The following MAST2 variants were observed in gnomAD, a reference collection of about 807,000 sequenced individuals.
MAST2 encodes microtubule-associated serine/threonine-protein kinase 2.
A neutral mutation model predicts 147.4 loss-of-function variants in MAST2; 70 were observed. The observed-to-expected ratio is 0.47, with a 90% CI of 0.39 to 0.58. The LOEUF is 0.58. MAST2 is among the 20% of genes least tolerant of loss of function. The pLI is 0.00. For missense variants in MAST2, 2,080 were observed against 2,302.3 expected, an observed-to-expected ratio of 0.90 and a Z score of 1.98; for synonymous variants, 869 against 896.8, an observed-to-expected ratio of 0.97 and a Z score of 0.55.
chr1:45,851,745 A>G (rs1276733091), intron 3 of MAST2, among the ~76,000 whole-genome samples: 1 of 151,934 alleles, frequency 6.6e-6, no homozygotes, highest in East Asian at 1.9e-4. Flanking sequence ...GCTTGACCTA[A>G]TAGAAAAAAT....
chr1:45,836,566 T>C (rs1645107249), intron 3 of MAST2, among the ~76,000 whole-genome samples: 2 of 152,182 alleles, frequency 1.3e-5, no homozygotes, highest in Admixed American at 1.3e-4. Flanking sequence ...TTTACCTACT[T>C]CAGTATTATA....
chr1:45,940,053 G>A (rs180682034), intron 4 of MAST2, among the ~76,000 whole-genome samples: 4 of 124,290 alleles, frequency 3.2e-5, no homozygotes, highest in Admixed American at 2.2e-4. Context: ...GCACAATTTC[G>A]GCTCACTGCA....
At position 46,023,505 on chromosome 1, in the gene MAST2, G is replaced by T. The variant is rs1646274778; in HGVS notation, c.1571+187G>T. 3 of 636,136 alleles carry T rather than the reference G, an allele frequency of 4.7e-6. No homozygotes were observed. Among genetic ancestry groups the T allele is most frequent in the South Asian group, 3.9e-5 (2 of 51,780 alleles). The allele number at this position is 636,136 out of a possible 1,614,324, so 39.4% of individuals were successfully genotyped here. On this transcript the variant is annotated intron_variant, in intron 14 of 28. Coordinates refer to ENST00000361297, the MANE Select transcript of MAST2 (RefSeq NM_015112.3). This position sits in a 1 kb window ranked among gnomAD's most constrained non-coding sequence, Gnocchi z 4.9. The stretch of plus-strand genomic sequence containing the variant: ...ACATCCGATCATTGTTCCTTTCCCA[G>T]ACAAGATTCCCACGCCTCTTACTAC...
intron 18 of MAST2, chr1:46,029,177 C>T: frequency 1.8e-6 from 1 of 552,026 alleles, no homozygotes; most frequent in African/African-American, 1.9e-5. Flanking sequence ...CTGGGTGTTC[C>T]TGTCTGTGTA....
intron 4 of MAST2, among the ~76,000 whole-genome samples, chr1:45,924,003 C>CT (rs1557913124): frequency 6.6e-6 from 1 of 152,142 alleles, no homozygotes; most frequent in East Asian, 1.9e-4. Flanking sequence ...TCCCCAGTAG[C>CT]TGGGATTACA....
Position 46,025,743 on chromosome 1 carries a change from T to C in MAST2, c.1847T>C (p.Phe616Ser). The change falls in exon 16 of 29, where the codon TTT (phenylalanine) becomes TCT (serine). Residue 616 changes from phenylalanine (F) to serine (S), a missense_variant. Physicochemically the swap from Phe to Ser is radical, Grantham distance 155 (BLOSUM62 -2). Around this residue, in one of 4 missense-constraint regions of MAST2, gnomAD observed 209 missense variants for 309.5 expected, o/e 0.68. Coordinates refer to ENST00000361297, the MANE Select transcript of MAST2 (RefSeq NM_015112.3). ...CCTGTGGACATGGTGCGTCTATACT[T>C]TGCGGAAACTGTGCTGGCCCTGGAG... ...ALPVDMVRLY[F>S]AETVLALEYL... is the part of the protein sequence containing the mutation. The C allele has an allele frequency of 6.2e-7, 1 of 1,614,164 alleles. No individual in the cohort carries two copies. Among genetic ancestry groups the C allele is most frequent in the Admixed American group, 1.7e-5 (1 of 60,022 alleles).
rs561890126 is a variant in MAST2, at chr1:45,852,568, GC to G, written c.468+22988del. On this transcript the variant is annotated intron_variant, in intron 3 of 28. Transcript: ENST00000361297. ...TTTTAATTTGTAGAGATGGAGTCTTGCTATGTTGCCCAGACTGGTCTCGAAC... is the reference window on the plus strand; with the variant it reads ...TTTTAATTTGTAGAGATGGAGTCTTGTATGTTGCCCAGACTGGTCTCGAAC... Among the ~76,000 whole-genome samples, 11 of 147,088 alleles carry G rather than the reference GC, an allele frequency of 7.5e-5. No homozygotes were observed. In the South Asian group the frequency reaches 2.4e-3, roughly 32 times the overall value.
intron 5 of MAST2, among the ~76,000 whole-genome samples, chr1:45,987,094 G>A (rs1460280341): frequency 1.3e-5 from 2 of 152,170 alleles, no homozygotes; most frequent in African/African-American, 2.4e-5. Flanking sequence ...AGCTTTGGTA[G>A]TGTATATCTT....
At position 46,034,673 on chromosome 1, in the gene MAST2, G is replaced by A. The variant is rs141937880; in HGVS notation, c.4004G>A (p.Arg1335His). Residue 1335 changes from arginine (R) to histidine (H), a missense_variant, in exon 29 of 29, where the codon CGC becomes CAC. This residue lies in a region of MAST2 where 1,278 missense variants were observed against 1,304.2 expected (regional missense o/e 0.98). Coordinates refer to ENST00000361297, the MANE Select transcript of MAST2 (RefSeq NM_015112.3). The stretch of plus-strand genomic sequence containing the variant: ...CAACGCCAGTACCGCTCTCCACGGC[G>A]CAAGTCAGCAGGCAGCATCCCACTG... ...KLQRQYRSPRRKSAGSIPLSP... is the reference protein window; with the variant it reads ...KLQRQYRSPRHKSAGSIPLSP... 1.1e-3 allele frequency: 1,740 copies of A among 1,614,094 alleles called. 4 individuals are homozygous for A. The highest frequency in any genetic ancestry group is 1.4e-3 in the Non-Finnish European group (1,638 of 1,180,014).
At chr1:45,851,825 G>A (rs776268088) in intron 3 of MAST2, among the ~76,000 whole-genome samples, 13 of 151,928 alleles carry the variant, frequency 8.6e-5, no homozygotes, top group Admixed American at 1.3e-4. Flanking sequence ...TAGAATTAAT[G>A]GACTATTTTT....
At chr1:45,984,904 T>G (rs906616045) in intron 5 of MAST2, among the ~76,000 whole-genome samples, 16 of 152,162 alleles carry the variant, frequency 1.1e-4, no homozygotes, top group Non-Finnish European at 5.9e-5. Context: ...ATGAGCTATC[T>G]TCAATCACAT....
At chr1:45,992,627 T>C (rs1176600591) in intron 5 of MAST2, among the ~76,000 whole-genome samples, 1 of 152,150 alleles carries the variant, frequency 6.6e-6, no homozygotes, top group Non-Finnish European at 1.5e-5. Flanking sequence ...CTTCTATAAA[T>C]GTTTGGTAGA....
intron 1 of MAST2, among the ~76,000 whole-genome samples, chr1:45,808,456 G>T (rs1644203137): frequency 1.3e-5 from 2 of 152,016 alleles, no homozygotes; most frequent in Non-Finnish European, 2.9e-5. Context: ...CAATCCACCC[G>T]CCTTGGCCTC....
intron 4 of MAST2, among the ~76,000 whole-genome samples, chr1:45,944,445 A>G (rs1001935824): frequency 2.0e-5 from 3 of 152,154 alleles, no homozygotes; most frequent in Non-Finnish European, 4.4e-5. Context: ...ATTATTTCTA[A>G]TAAAGTCATT....
intron 4 of MAST2, chr1:45,917,470 T>A: frequency 1.5e-6 from 2 of 1,366,636 alleles, no homozygotes; most frequent in Non-Finnish European, 2.0e-6. Flanking sequence ...CTTGCCATTT[T>A]CCTGAACCCA....
intron 4 of MAST2, among the ~76,000 whole-genome samples, chr1:45,895,027 T>C (rs1648503763): frequency 6.6e-6 from 1 of 152,214 alleles, no homozygotes; most frequent in Non-Finnish European, 1.5e-5. Flanking sequence ...AACATTTTTC[T>C]TACCCCCAAA....
At chr1:45,860,199 A>AAT (rs905857759) in intron 3 of MAST2, among the ~76,000 whole-genome samples, 1 of 104,136 alleles carries the variant, frequency 9.6e-6, no homozygotes, top group African/African-American at 4.4e-5. Context: ...CTCTACTAAA[A>AAT]ATACACACAC....
intron 5 of MAST2, among the ~76,000 whole-genome samples, chr1:45,980,050 C>G (rs897563463): frequency 6.6e-6 from 1 of 152,068 alleles, no homozygotes; most frequent in Non-Finnish European, 1.5e-5. Context: ...TTTGGGAGGC[C>G]GAGGCAGGTG....
At chr1:45,917,534 G>A in intron 4 of MAST2, 1 of 1,366,366 alleles carries the variant, frequency 7.3e-7, no homozygotes, top group Non-Finnish European at 9.8e-7. Flanking sequence ...TGCCGTGGAG[G>A]TAAGGAAACT....
Sources: gnomAD v4.1 joint callset for allele counts (sites outside exome capture counted in the v4.1 genomes callset) on GRCh38, gnomAD v4.1.1 for gene constraint, gnomAD v4.1.1 regional missense constraint, Gnocchi (gnomAD v3.1) non-coding constraint, MANE v1.5 for transcripts, NCBI Gene and HGNC (gene_info 2026-07-23, HGNC 2026-07-21) for gene names.